AR: variants seen among roughly 807,000 people sequenced by gnomAD.
AR encodes dihydrotestosterone receptor.
AR carries 8 observed loss-of-function variants against 53.9 expected under a neutral mutation model. The ratio of observed to expected loss-of-function variants is 0.15; its 90% CI spans 0.09 to 0.27. The LOEUF (loss-of-function observed/expected upper bound fraction) is 0.27, where lower values mean the gene tolerates loss of function less well. Ranked by LOEUF, AR falls within the 10% of genes least tolerant of loss-of-function variation. The pLI is 1.00. For synonymous variants in AR, 359 were observed against 316.4 expected, an observed-to-expected ratio of 1.13 and a Z score of -1.43; for missense variants, 639 against 742.5, an observed-to-expected ratio of 0.86 and a Z score of 1.62.
chrX:67,655,371 C>T (rs1926537947), intron 2 of AR, among the ~76,000 whole-genome samples: 1 of 111,494 alleles, frequency 9.0e-6, no homozygotes, highest in Admixed American at 9.6e-5. Flanking sequence ...GCCATCCCAC[C>T]TGTGTAGCCT....
chrX:67,724,567 G>A lies in AR; in HGVS notation c.*726G>A. 5.7e-6 allele frequency: 1 copy of A among 175,558 alleles called. No individual in the cohort carries two copies. The highest frequency in any genetic ancestry group is 1.1e-5 in the Non-Finnish European group (1 of 91,881). 14.5% of individuals were successfully genotyped at this position (175,558 alleles called of 1,213,427 possible). On this transcript the variant is annotated 3_prime_UTR_variant, in exon 8 of 8. Transcript: ENST00000374690. Reference sequence around the variant, plus strand: ...CAGAGCTGAGTTGGGCAGGGGGGTGGACAGAGAGGAGAGGACAAGGAGGGC... The same window carrying A: ...CAGAGCTGAGTTGGGCAGGGGGGTGAACAGAGAGGAGAGGACAAGGAGGGC...
At position 67,643,555 on chromosome X, in the gene AR, C is replaced by A. The variant is rs1322761260; in HGVS notation, c.1768+148C>A. The stretch of plus-strand genomic sequence containing the variant: ...CAAATAACTTAGGAGCCTAAGGAAG[C>A]AAATTTTTGTACTTGCTAGTTCCCT... On this transcript the variant is annotated intron_variant, in intron 2 of 7. Transcript: ENST00000374690. 8.5e-6 allele frequency: 7 copies of A among 823,278 alleles called. No individual in the cohort carries two copies. The East Asian group carries it at 2.4e-4, about 28-fold the overall frequency. The allele number at this position is 823,278 out of a possible 1,213,427, so 67.8% of individuals were successfully genotyped here. A position where few individuals can be genotyped will look rare whatever the true frequency, so the allele number is the denominator to read the frequency against.
At chrX:67,587,557 C>A (rs767516404) in intron 1 of AR, among the ~76,000 whole-genome samples, 27 of 111,387 alleles carry the variant, frequency 2.4e-4, no homozygotes, top group Non-Finnish European at 4.9e-4. Flanking sequence ...GTGTAAGTCC[C>A]AGAATATTTT....
intron 2 of AR, among the ~76,000 whole-genome samples, chrX:67,652,174 G>A (rs1926376047): frequency 9.0e-6 from 1 of 111,442 alleles, no homozygotes; most frequent in Admixed American, 9.6e-5. Flanking sequence ...AGTCATAGAG[G>A]CAGCAACTTG....
chrX:67,631,288 A>G (rs1313183000), intron 1 of AR, among the ~76,000 whole-genome samples: 2 of 111,595 alleles, frequency 1.8e-5, no homozygotes, highest in Admixed American at 9.5e-5. Flanking sequence ...AATCAGACAT[A>G]GATTTGGTCT....
At chrX:67,695,364 CA>C (rs1257187694) in intron 3 of AR, 2 of 751,988 alleles carry the variant, frequency 2.7e-6, no homozygotes, top group Non-Finnish European at 3.1e-6. Context: ...TCTGCTTCTC[CA>C]GGAGAAGAAG....
intron 2 of AR, among the ~76,000 whole-genome samples, chrX:67,662,738 A>T (rs1276594037): frequency 2.2e-4 from 24 of 111,126 alleles, no homozygotes; most frequent in Non-Finnish European, 3.4e-4. Context: ...AAAGTCTCCC[A>T]TTATTATTGT....
chrX:67,695,644 G>A (rs1021955811), intron 3 of AR: 2 of 750,842 alleles, frequency 2.7e-6, no homozygotes, highest in South Asian at 6.9e-5. Context: ...GAGAAGTGGA[G>A]TCTGTGAAGC....
chrX:67,563,524 CAG>C (rs1436560715), intron 1 of AR, among the ~76,000 whole-genome samples: 1 of 111,632 alleles, frequency 9.0e-6, no homozygotes, highest in Middle Eastern at 4.2e-3. Flanking sequence ...TCCAGACAAA[CAG>C]AGCTTGGGAA....
intron 6 of AR, among the ~76,000 whole-genome samples, chrX:67,722,465 G>C (rs1047650059): frequency 8.9e-6 from 1 of 112,006 alleles, no homozygotes; most frequent in Non-Finnish European, 1.9e-5. Context: ...CCCTACGGAG[G>C]GAGAAGGGCA....
intron 2 of AR, among the ~76,000 whole-genome samples, chrX:67,650,096 G>A (rs955234313): frequency 8.9e-6 from 1 of 111,958 alleles, no homozygotes; most frequent in African/African-American, 3.2e-5. Context: ...CATGCTCATG[G>A]ATAGGAACAA....
chrX:67,581,384 GA>G (rs962504077), intron 1 of AR, among the ~76,000 whole-genome samples: 16 of 111,199 alleles, frequency 1.4e-4, no homozygotes, highest in African/African-American at 5.2e-4. Flanking sequence ...TTTCAATGTT[GA>G]AAAAAATATT....
intron 1 of AR, among the ~76,000 whole-genome samples, chrX:67,588,074 A>G (rs1463026326): frequency 6.2e-5 from 7 of 112,005 alleles, no homozygotes; most frequent in Non-Finnish European, 9.4e-5. Flanking sequence ...GGGCAGGTAC[A>G]GAATGTTCTG....
chrX:67,716,250 A>G (rs550405931), intron 4 of AR, among the ~76,000 whole-genome samples: 1 of 112,250 alleles, frequency 8.9e-6, no homozygotes, highest in South Asian at 3.7e-4. Context: ...GTATATACAT[A>G]GACTTCAATG....
intron 1 of AR, among the ~76,000 whole-genome samples, chrX:67,593,028 T>C (rs1369031942): frequency 8.9e-6 from 1 of 112,382 alleles, no homozygotes; most frequent in East Asian, 2.8e-4. Context: ...TTGATAATGC[T>C]GTTCTAACCC....
intron 5 of AR, 54 bp from the exon 6 acceptor site, chrX:67,721,779 G>T (rs2076136854): frequency 8.3e-7 from 1 of 1,204,347 alleles, no homozygotes; most frequent in Admixed American, 2.2e-5. Flanking sequence ...ATTCCCTCTG[G>T]GCTTATTGTA....
At chrX:67,723,110 G>C (rs2076143106) in intron 7 of AR, 126 bp downstream of exon 7, 1 of 842,315 alleles carries the variant, frequency 1.2e-6, no homozygotes. Context: ...CTTTGAGTGT[G>C]GTCCAGGAAG....
intron 2 of AR, among the ~76,000 whole-genome samples, chrX:67,651,373 C>T (rs1301090960): frequency 9.0e-6 from 1 of 110,983 alleles, no homozygotes; most frequent in African/African-American, 3.3e-5. Flanking sequence ...TGAAAGGCCA[C>T]CCTATCTGCT....
At position 67,717,406 on chromosome X, in the gene AR, C is replaced by T. The variant is rs181083090; in HGVS notation, c.2174-72C>T. 1.0e-5 allele frequency: 12 copies of T among 1,175,850 alleles called. No homozygotes were observed. The East Asian group carries it at 3.6e-4, about 35-fold the overall frequency. The stretch of plus-strand genomic sequence containing the variant: ...GCCCGAATACCAGAGCATCTCTGCC[C>T]AACAGGGACTCAGACTTAGCTCAAC... On this transcript the variant is annotated intron_variant, in intron 4 of 7. Transcript: ENST00000374690.
Sources: allele counts gnomAD v4.1 joint callset (sites outside exome capture counted in the v4.1 genomes callset), GRCh38; gene constraint gnomAD v4.1.1; transcripts MANE v1.5; gene names NCBI Gene and HGNC (gene_info 2026-07-23, HGNC 2026-07-21).